USP13: variants seen among roughly 807,000 people sequenced by gnomAD.
USP13 encodes the protein ubiquitin specific peptidase 13.
A neutral mutation model predicts 107.8 loss-of-function variants in USP13; 68 were observed. That is an observed-to-expected ratio of 0.63 (90% CI 0.52 to 0.77). The LOEUF (loss-of-function observed/expected upper bound fraction) is 0.77. Ranked by LOEUF, USP13 falls within the 30% of genes least tolerant of loss-of-function variation. The pLI is 0.00. For missense variants in USP13, 945 were observed against 1,093.3 expected, an observed-to-expected ratio of 0.86 and a Z score of 1.91; for synonymous variants, 377 against 389.5, an observed-to-expected ratio of 0.97 and a Z score of 0.38.
At chr3:179,670,659 C>T (rs559145595) in intron 1 of USP13, among the ~76,000 whole-genome samples, 7 of 151,968 alleles carry the variant, frequency 4.6e-5, no homozygotes, top group East Asian at 1.9e-4. Flanking sequence ...AATTATTGGC[C>T]GGGCGCAGTG....
At chr3:179,759,106 C>G (rs997776172) in intron 16 of USP13, among the ~76,000 whole-genome samples, 3 of 152,046 alleles carry the variant, frequency 2.0e-5, no homozygotes, top group South Asian at 2.1e-4. Context: ...CTCAGCCTCC[C>G]GAGTAGCTGG....
At chr3:179,715,234 C>T (rs1215680310) in intron 6 of USP13, among the ~76,000 whole-genome samples, 2 of 151,950 alleles carry the variant, frequency 1.3e-5, no homozygotes, top group Admixed American at 6.6e-5. Context: ...CTATGTTGCC[C>T]AGGCTGGTCT....
rs1195263540 is a variant in USP13 at position 179,751,699 on chromosome 3, G to A, written c.1710-586G>A. Among the ~76,000 whole-genome samples, 4 of 152,126 alleles carry A rather than the reference G, an allele frequency of 2.6e-5. No individual in the cohort carries two copies. In the South Asian group the frequency reaches 8.3e-4, roughly 32 times the overall value. On this transcript the variant is annotated intron_variant, in intron 13 of 20. Coordinates refer to ENST00000263966, the MANE Select transcript of USP13 (RefSeq NM_003940.3). ...TATAGAACACCACAGCAAAGTAAAA[G>A]TAACAATTTTGAAACAGGTCCAAAA...
rs199539426 is a variant in USP13, at chr3:179,689,670, CA to C, written c.295-562del. On this transcript the variant is annotated intron_variant, in intron 2 of 20. Coordinates refer to ENST00000263966, the MANE Select transcript of USP13 (RefSeq NM_003940.3). ...GAGACTCCATCTCAAAAAAAAAAGC[CA>C]AAAAAAAAGAAAATACACGATGCTT... Among the ~76,000 whole-genome samples, 23 of 147,912 alleles carry C rather than the reference CA, an allele frequency of 1.6e-4. 1 individual carries two copies. Among genetic ancestry groups the C allele is most frequent in the Admixed American group, 4.0e-4 (6 of 14,828 alleles).
chr3:179,745,224 G>T lies in USP13; in HGVS notation c.1709+7G>T. ...CAAAGTCTGCGGGTGTGAAGTAAGT[G>T]TGTGTATATGTGGTGGCAGTGGGGT... On this transcript the variant is annotated splice_region_variant and intron_variant, in intron 13 of 20. Coordinates refer to ENST00000263966, the MANE Select transcript of USP13 (RefSeq NM_003940.3). 6.2e-7 allele frequency: 1 copy of T among 1,609,074 alleles called. No homozygotes were observed. The highest frequency in any genetic ancestry group is 1.3e-5 in the African/African-American group (1 of 74,418).
chr3:179,710,642 T>C (rs4854949), intron 6 of USP13, among the ~76,000 whole-genome samples: 35,266 of 152,178 alleles, frequency 0.23, 4,407 homozygotes, highest in Admixed American at 0.31. Flanking sequence ...TACAGTCCTG[T>C]GTCACTTAAG....
At chr3:179,712,023 G>A (rs531638167) in intron 6 of USP13, among the ~76,000 whole-genome samples, 2 of 152,278 alleles carry the variant, frequency 1.3e-5, no homozygotes, top group African/African-American at 4.8e-5. Context: ...TATATCACTA[G>A]GTGGCAGGAA....
Position 179,764,243 on chromosome 3 carries a change from T to C in USP13, c.2259+75T>C. 4.0e-6 allele frequency: 6 copies of C among 1,511,188 alleles called. No homozygotes were observed. The South Asian group carries it at 4.2e-5, about 11-fold the overall frequency. The allele number at this position is 1,511,188 out of a possible 1,614,324, so 93.6% of individuals were successfully genotyped here. On this transcript the variant is annotated intron_variant, in intron 18 of 20. Coordinates refer to ENST00000263966, the MANE Select transcript of USP13 (RefSeq NM_003940.3). ...TTTATTTCTGTAGCAGTTGAGACTT[T>C]CCAATGTACTTTGATCATTTTGATT...
At chr3:179,740,797 A>G (rs1714165888) in intron 11 of USP13, among the ~76,000 whole-genome samples, 1 of 149,794 alleles carries the variant, frequency 6.7e-6, no homozygotes, top group Non-Finnish European at 1.5e-5. Flanking sequence ...GACTGAGTCT[A>G]GCTCTGTTGC....
intron 9 of USP13, 131 bp downstream of exon 9, chr3:179,730,391 A>G (rs1447526188): frequency 1.9e-6 from 2 of 1,044,570 alleles, no homozygotes; most frequent in African/African-American, 1.6e-5. Flanking sequence ...CAAAATGAGA[A>G]TGTGTTACTT....
chr3:179,665,345 C>G (rs957635791), intron 1 of USP13, among the ~76,000 whole-genome samples: 1 of 152,146 alleles, frequency 6.6e-6, no homozygotes, highest in Non-Finnish European at 1.5e-5. Context: ...CGTCAAGTGT[C>G]TATTATGAGT....
intron 17 of USP13, among the ~76,000 whole-genome samples, chr3:179,762,884 T>C (rs1170244924): frequency 6.6e-6 from 1 of 152,202 alleles, no homozygotes; most frequent in Non-Finnish European, 1.5e-5. Flanking sequence ...AATTTCTCCA[T>C]ATCATCACTA....
At chr3:179,663,357 T>A (rs1720506449) in intron 1 of USP13, among the ~76,000 whole-genome samples, 1 of 152,254 alleles carries the variant, frequency 6.6e-6, no homozygotes, top group Non-Finnish European at 1.5e-5. Flanking sequence ...TGTGTGTATA[T>A]ACCGCATCTT....
Position 179,784,191 on chromosome 3 carries a change from G to GA in USP13, c.*50_*51insA. 1.5e-6 allele frequency: 2 copies of GA among 1,339,570 alleles called. No homozygotes were observed. The highest frequency in any genetic ancestry group is 1.4e-5 in the South Asian group (1 of 73,896). 83.0% of individuals were successfully genotyped at this position (1,339,570 alleles called of 1,614,324 possible). On this transcript the variant is annotated 3_prime_UTR_variant, in exon 21 of 21. Transcript: ENST00000263966. The stretch of plus-strand genomic sequence containing the variant: ...AAGAAGCCATACGCCTTTTTAATTT[G>GA]CCAAAAAAAAAAAGAAGAAGAAGAA...
chr3:179,758,885 C>T (rs1193082320), intron 16 of USP13, among the ~76,000 whole-genome samples: 1 of 152,108 alleles, frequency 6.6e-6, no homozygotes, highest in East Asian at 1.9e-4. Flanking sequence ...AAGAATCATC[C>T]ATGGTTCCAT....
intron 19 of USP13, among the ~76,000 whole-genome samples, chr3:179,779,562 G>C (rs1388255431): frequency 6.6e-6 from 1 of 151,818 alleles, no homozygotes. Flanking sequence ...GAACAACAGA[G>C]TGCAGCCAGA....
chr3:179,673,270 T>TGA (rs962861346), intron 1 of USP13, among the ~76,000 whole-genome samples: 4 of 152,006 alleles, frequency 2.6e-5, no homozygotes, highest in Admixed American at 6.6e-5. Flanking sequence ...AGGAATAGTT[T>TGA]GAGAGAGAGA....
Position 179,653,402 on chromosome 3 carries a change from G to A in USP13, c.168+9G>A. On this transcript the variant is annotated intron_variant, in intron 1 of 20. Transcript: ENST00000263966. The surrounding 1 kb of genome is among the most constrained non-coding windows in gnomAD (Gnocchi z 4.0). The stretch of plus-strand genomic sequence containing the variant: ...TCTCCTACGACTCTCCCGTAAGTGA[G>A]GCGCCTCGGGGGAGGGTCGCGGGGC... The A allele has an allele frequency of 1.9e-6, 3 of 1,551,532 alleles. No homozygotes were observed. The highest frequency in any genetic ancestry group is 2.6e-6 in the Non-Finnish European group (3 of 1,147,050).
At chr3:179,679,341 T>G (rs1404056995) in intron 1 of USP13, among the ~76,000 whole-genome samples, 1 of 152,190 alleles carries the variant, frequency 6.6e-6, no homozygotes, top group Non-Finnish European at 1.5e-5. Context: ...TTAAATATAT[T>G]TGTAATAAAC....
Sources: gnomAD v4.1 joint callset for allele counts (sites outside exome capture counted in the v4.1 genomes callset) on GRCh38, gnomAD v4.1.1 for gene constraint, Gnocchi (gnomAD v3.1) non-coding constraint, MANE v1.5 for transcripts, NCBI Gene and HGNC (gene_info 2026-07-23, HGNC 2026-07-21) for gene names.